The following NRG2 variants were observed in gnomAD, a reference collection of about 807,000 sequenced individuals.
The protein encoded by NRG2 is neuregulin 2, also known as pro-neuregulin-2, membrane-bound isoform.
Under a neutral mutation model 73.9 loss-of-function variants are expected in NRG2, and 27 were observed. That is an observed-to-expected ratio of 0.37 (90% CI 0.27 to 0.50). NRG2 has a LOEUF of 0.50. NRG2 is among the 20% of genes least tolerant of loss of function. NRG2 has a pLI of 0.96. For missense variants in NRG2, 1,126 were observed against 1,210.1 expected, an observed-to-expected ratio of 0.93 and a Z score of 1.03; for synonymous variants, 532 against 541.0, an observed-to-expected ratio of 0.98 and a Z score of 0.23.
At chr5:139,850,333 G>T (rs917766388) in intron 9 of NRG2, among the ~76,000 whole-genome samples, 2 of 152,246 alleles carry the variant, frequency 1.3e-5, no homozygotes, top group African/African-American at 4.8e-5. Flanking sequence ...CACACAGGTG[G>T]TGGAGCTGGG....
At position 139,968,262 on chromosome 5, in the gene NRG2, A is replaced by G. The variant is rs375331018; in HGVS notation, c.700+74108T>C. Among the ~76,000 whole-genome samples the G allele has an allele frequency of 1.4e-3, 217 of 152,318 alleles. 1 individual carries two copies. The highest frequency in any genetic ancestry group is 5.0e-3 in the African/African-American group (208 of 41,572). On this transcript the variant is annotated intron_variant, in intron 1 of 9. Coordinates refer to ENST00000361474, the MANE Select transcript of NRG2 (RefSeq NM_004883.3). ...GAGAAGGGAAGATGTGGAAGTGACA[A>G]GCCGGAGGCAGCTGATGAGGCCGAC...
At chr5:139,981,758 AT>A (rs1306602110) in intron 1 of NRG2, among the ~76,000 whole-genome samples, 5 of 152,240 alleles carry the variant, frequency 3.3e-5, no homozygotes, top group African/African-American at 1.2e-4. Flanking sequence ...CATGCTTTGC[AT>A]GTCCATTTAG....
chr5:139,927,203 T>TG (rs1209804051), intron 1 of NRG2, among the ~76,000 whole-genome samples: 5 of 152,196 alleles, frequency 3.3e-5, no homozygotes, highest in Non-Finnish European at 7.4e-5. Flanking sequence ...ATGTGGTACC[T>TG]GGCAAGGGTC....
At chr5:139,985,304 C>T (rs558815321) in intron 1 of NRG2, among the ~76,000 whole-genome samples, 2 of 150,598 alleles carry the variant, frequency 1.3e-5, no homozygotes, top group Admixed American at 6.6e-5. Context: ...TGCACCACTG[C>T]ACTCTAGCCT....
intron 1 of NRG2, among the ~76,000 whole-genome samples, chr5:139,996,228 C>T (rs1205123193): frequency 6.6e-6 from 1 of 152,062 alleles, no homozygotes; most frequent in Non-Finnish European, 1.5e-5. Context: ...GTACATAGTA[C>T]TTTGGAACCT....
intron 2 of NRG2, among the ~76,000 whole-genome samples, chr5:139,881,685 C>T (rs1397754425): frequency 6.6e-6 from 1 of 152,248 alleles, no homozygotes; most frequent in Non-Finnish European, 1.5e-5. Context: ...CCTAGAGGGA[C>T]TTCCTGACTT....
At chr5:139,863,333 C>G (rs981268076) in intron 5 of NRG2, among the ~76,000 whole-genome samples, 9 of 152,226 alleles carry the variant, frequency 5.9e-5, no homozygotes, top group African/African-American at 2.2e-4. Flanking sequence ...ATGAAGTGCT[C>G]TCTGGGAAAG....
At position 139,888,201 on chromosome 5, in the gene NRG2, T is replaced by C. The variant is rs181838136; in HGVS notation, c.701-690A>G. Among the ~76,000 whole-genome samples, 410 of 152,230 alleles carry C rather than the reference T, an allele frequency of 2.7e-3. 1 individual carries two copies. Among genetic ancestry groups the C allele is most frequent in the Non-Finnish European group, 4.4e-3 (296 of 68,026 alleles). On this transcript the variant is annotated intron_variant, in intron 1 of 9. Coordinates refer to ENST00000361474, the MANE Select transcript of NRG2 (RefSeq NM_004883.3). ...GGCTAAGCCAGTGCTCGTGCTGAGG[T>C]GTATAACAATTTCCAGTGGGATAGT...
At chr5:139,989,797 T>A (rs1259651375) in intron 1 of NRG2, among the ~76,000 whole-genome samples, 6 of 150,440 alleles carry the variant, frequency 4.0e-5, no homozygotes, top group Non-Finnish European at 5.9e-5. Flanking sequence ...TTTATTTTTT[T>A]ATTTTTTTTT....
At position 139,869,312 on chromosome 5, in the gene NRG2, T is replaced by C. The variant is rs1317516772; in HGVS notation, c.1112+2409A>G. 1.3e-5 allele frequency: 2 copies of C among 152,104 alleles called. No individual in the cohort carries two copies. Among genetic ancestry groups the C allele is most frequent in the Non-Finnish European group, 2.9e-5 (2 of 68,028 alleles). 9.4% of individuals were successfully genotyped at this position (152,104 alleles called of 1,614,324 possible). A position where few individuals can be genotyped will look rare whatever the true frequency, so the allele number is the denominator to read the frequency against. On this transcript the variant is annotated intron_variant, in intron 4 of 9. Transcript: ENST00000361474. The surrounding 1 kb of genome is among the most constrained non-coding windows in gnomAD (Gnocchi z 4.5). Reference sequence around the variant, plus strand: ...GAAACTGGAATGAAACTGACCAGTGTAGTTTCATTATCCAAGCTAAGCGGA... The same window carrying C: ...GAAACTGGAATGAAACTGACCAGTGCAGTTTCATTATCCAAGCTAAGCGGA...
intron 1 of NRG2, among the ~76,000 whole-genome samples, chr5:139,906,418 C>T (rs191211347): frequency 4.4e-4 from 67 of 152,292 alleles, no homozygotes; most frequent in Middle Eastern, 3.4e-3. Context: ...CCCTAGCTCA[C>T]AGCCTTCTAG....
At chr5:139,906,240 T>A (rs370304217) in intron 1 of NRG2, among the ~76,000 whole-genome samples, 2 of 152,148 alleles carry the variant, frequency 1.3e-5, no homozygotes, top group East Asian at 3.9e-4. Context: ...ACTCCTGACC[T>A]CCTGATCCGC....
At chr5:139,863,453 C>T (rs1385527363) in intron 5 of NRG2, among the ~76,000 whole-genome samples, 1 of 152,240 alleles carries the variant, frequency 6.6e-6, no homozygotes, top group African/African-American at 2.4e-5. Context: ...CTCCCGGGGC[C>T]CTGCTGACCT....
chr5:139,872,283 T>C (rs1762906365), intron 3 of NRG2, among the ~76,000 whole-genome samples: 1 of 152,216 alleles, frequency 6.6e-6, no homozygotes, highest in Non-Finnish European at 1.5e-5. Context: ...CCCGCCTGCA[T>C]GGCTTGGGCT....
intron 1 of NRG2, among the ~76,000 whole-genome samples, chr5:139,919,221 C>T (rs888042039): frequency 6.6e-6 from 1 of 152,064 alleles, no homozygotes; most frequent in Non-Finnish European, 1.5e-5. Context: ...CTCCACCCCA[C>T]GACTCCTGGG....
rs748373186 is a variant in NRG2, at chr5:139,851,857, G to C, written c.1545-26C>G. On this transcript the variant is annotated intron_variant, in intron 8 of 9. Coordinates refer to ENST00000361474, the MANE Select transcript of NRG2 (RefSeq NM_004883.3). The surrounding 1 kb of genome is among the most constrained non-coding windows in gnomAD (Gnocchi z 4.2). Reference sequence around the variant, plus strand: ...CTGGGAAGGCCAGATGGGGTGAGACGAGGGGTCAGGAAGGGGCAGGGCGGC... The same window carrying C: ...CTGGGAAGGCCAGATGGGGTGAGACCAGGGGTCAGGAAGGGGCAGGGCGGC... 6.2e-7 allele frequency: 1 copy of C among 1,607,634 alleles called. No homozygotes were observed. The highest frequency in any genetic ancestry group is 1.3e-5 in the African/African-American group (1 of 74,802).
At chr5:139,962,583 G>C (rs188488388) in intron 1 of NRG2, among the ~76,000 whole-genome samples, 8 of 152,272 alleles carry the variant, frequency 5.3e-5, no homozygotes. Context: ...AGGAGTGCAG[G>C]GGCAGCCAGG....
intron 1 of NRG2, among the ~76,000 whole-genome samples, chr5:139,995,253 C>T (rs756220010): frequency 6.6e-6 from 1 of 152,178 alleles, no homozygotes; most frequent in Non-Finnish European, 1.5e-5. Context: ...TGCCCCCCAT[C>T]ACTAACGCAA....
intron 1 of NRG2, among the ~76,000 whole-genome samples, chr5:139,972,335 G>A (rs577960719): frequency 2.0e-5 from 3 of 152,228 alleles, no homozygotes; most frequent in African/African-American, 7.2e-5. Context: ...CACACAGGAG[G>A]AATAGAAGAG....
Sources: gnomAD v4.1 joint callset for allele counts (sites outside exome capture counted in the v4.1 genomes callset) on GRCh38, gnomAD v4.1.1 for gene constraint, Gnocchi (gnomAD v3.1) non-coding constraint, MANE v1.5 for transcripts, NCBI Gene and HGNC (gene_info 2026-07-23, HGNC 2026-07-21) for gene names.